Variants in BRINP1 observed in about 807,000 individuals in gnomAD.
BRINP1 encodes the protein BMP/retinoic acid inducible neural specific 1.
BRINP1 carries 17 observed loss-of-function variants against 72.9 expected under a neutral mutation model. The observed-to-expected ratio is 0.23, with a 90% CI of 0.16 to 0.35. BRINP1 has a LOEUF of 0.35. Among genes scored for constraint, BRINP1 ranks in the 10% least tolerant of loss-of-function variants. The probability of loss-of-function intolerance (pLI) is 1.00; values close to 1 mark genes in which losing one functional copy is unlikely to be tolerated. For missense variants in BRINP1, 850 were observed against 1,001.6 expected (o/e 0.85, Z 2.04); for synonymous variants, 418 against 378.5 (o/e 1.10, Z -1.21).
chr9:119,279,337 G>A (rs980337686), intron 2 of BRINP1, among the ~76,000 whole-genome samples: 2 of 152,086 alleles, frequency 1.3e-5, no homozygotes, highest in South Asian at 2.1e-4. Context: ...TATTAACCAT[G>A]GGGATTTCGC....
intron 2 of BRINP1, among the ~76,000 whole-genome samples, chr9:119,261,913 C>T (rs1006479659): frequency 2.6e-5 from 4 of 151,586 alleles, no homozygotes; most frequent in African/African-American, 9.7e-5. Context: ...TCTCTCCCTC[C>T]CTCCTGCATG....
At chr9:119,218,204 ATTTTTT>A (rs139945643) in intron 5 of BRINP1, among the ~76,000 whole-genome samples, 1 of 122,974 alleles carries the variant, frequency 8.1e-6, no homozygotes, top group Non-Finnish European at 1.7e-5. Context: ...TCAAATAAAT[ATTTTTT>A]TTTTTTTTTT....
chr9:119,169,482 C>T (rs918041568), intron 7 of BRINP1, among the ~76,000 whole-genome samples: 9 of 152,212 alleles, frequency 5.9e-5, no homozygotes, highest in African/African-American at 1.9e-4. Context: ...GAGGGTCCTA[C>T]GCCCACAGAG....
At chr9:119,216,558 AT>A (rs1829980060) in intron 5 of BRINP1, among the ~76,000 whole-genome samples, 2 of 152,146 alleles carry the variant, frequency 1.3e-5, no homozygotes, top group Non-Finnish European at 2.9e-5. Flanking sequence ...TCTTTTAGTC[AT>A]TTTATCTATA....
At chr9:119,310,025 C>A (rs1831044609) in intron 2 of BRINP1, among the ~76,000 whole-genome samples, 2 of 152,152 alleles carry the variant, frequency 1.3e-5, no homozygotes, top group African/African-American at 2.4e-5. Context: ...AATCTCTAGA[C>A]TCCAGACCCA....
chr9:119,228,483 TAA>T (rs200941861), intron 5 of BRINP1, among the ~76,000 whole-genome samples: 1,856 of 147,362 alleles, frequency 0.013, 28 homozygotes, highest in African/African-American at 0.036. Context: ...GTGAGTAAAA[TAA>T]AAAAAAAAAT....
intron 1 of BRINP1, among the ~76,000 whole-genome samples, chr9:119,362,624 G>T (rs7039234): frequency 0.015 from 2,342 of 152,156 alleles, 63 homozygotes; most frequent in African/African-American, 0.053. Flanking sequence ...AAAACTTCCA[G>T]CTTTCATTCT....
intron 1 of BRINP1, among the ~76,000 whole-genome samples, chr9:119,321,606 C>G (rs970174603): frequency 2.0e-5 from 3 of 152,200 alleles, no homozygotes; most frequent in Admixed American, 2.0e-4. Flanking sequence ...TCCCCACTAG[C>G]TGGGACTACA....
At position 119,166,715 on chromosome 9, in the gene BRINP1, T is replaced by TATC. The variant is rs1829316710; in HGVS notation, c.*366_*368dup. ...GGCAGTGTCAGTTGTACATTACATA[T>TATC]ATCTCTCTTTCTTTTTAGTGTTTAA... On this transcript the variant is annotated 3_prime_UTR_variant, in exon 8 of 8. Coordinates refer to ENST00000265922, the MANE Select transcript of BRINP1 (RefSeq NM_014618.3). 5.8e-6 allele frequency: 1 copy of TATC among 173,586 alleles called. No homozygotes were observed. Among genetic ancestry groups the TATC allele is most frequent in the Non-Finnish European group, 1.2e-5 (1 of 82,040 alleles). 10.8% of individuals were successfully genotyped at this position (173,586 alleles called of 1,614,324 possible).
At chr9:119,349,341 T>C (rs933299931) in intron 1 of BRINP1, among the ~76,000 whole-genome samples, 1 of 152,170 alleles carries the variant, frequency 6.6e-6, no homozygotes, top group African/African-American at 2.4e-5. Context: ...AAAAACATAC[T>C]GGAAACAGAT....
chr9:119,329,743 G>A (rs1369765396), intron 1 of BRINP1, among the ~76,000 whole-genome samples: 5 of 152,168 alleles, frequency 3.3e-5, no homozygotes, highest in Admixed American at 3.3e-4. Flanking sequence ...TAATAAAACA[G>A]GCATAATTCA....
At chr9:119,181,590 C>T (rs1185811238) in intron 7 of BRINP1, among the ~76,000 whole-genome samples, 2 of 152,146 alleles carry the variant, frequency 1.3e-5, no homozygotes, top group African/African-American at 4.8e-5. Flanking sequence ...CCATTACTAA[C>T]CATGATTGTT....
intron 2 of BRINP1, among the ~76,000 whole-genome samples, chr9:119,253,695 G>A (rs1178876912): frequency 6.6e-6 from 1 of 152,094 alleles, no homozygotes; most frequent in African/African-American, 2.4e-5. Flanking sequence ...AGAACAAAAA[G>A]AACAATGAGC....
intron 7 of BRINP1, among the ~76,000 whole-genome samples, chr9:119,206,498 A>G (rs1829857326): frequency 2.0e-5 from 3 of 152,018 alleles, no homozygotes; most frequent in Non-Finnish European, 4.4e-5. Context: ...CTACGTGGAA[A>G]CACAGGTAGA....
At chr9:119,324,925 C>A (rs1332941849) in intron 1 of BRINP1, among the ~76,000 whole-genome samples, 1 of 152,050 alleles carries the variant, frequency 6.6e-6, no homozygotes, top group Non-Finnish European at 1.5e-5. Context: ...CATGGAGAAA[C>A]CCCATCTCTA....
rs142969769 is a variant in BRINP1 at position 119,168,892 on chromosome 9, A to G, written c.1146-668T>C. 4.7e-3 allele frequency among the ~76,000 whole-genome samples: 719 copies of G among 151,794 alleles called. 9 individuals are homozygous for G. The highest frequency in any genetic ancestry group is 0.016 in the African/African-American group (666 of 41,080). On this transcript the variant is annotated intron_variant, in intron 7 of 7. Coordinates refer to ENST00000265922, the MANE Select transcript of BRINP1 (RefSeq NM_014618.3). The stretch of plus-strand genomic sequence containing the variant: ...CTTTTACACTGTTGATGTGAGTATA[A>G]GTCAGTTCAACCATTGTGGAAGACA...
chr9:119,365,859 A>G (rs1024077820), intron 1 of BRINP1, among the ~76,000 whole-genome samples: 1 of 152,076 alleles, frequency 6.6e-6, no homozygotes, highest in Non-Finnish European at 1.5e-5. Flanking sequence ...TCTGGGAGCT[A>G]AAGTGCCATC....
intron 2 of BRINP1, among the ~76,000 whole-genome samples, chr9:119,279,076 A>G (rs1272411082): frequency 6.6e-6 from 1 of 152,230 alleles, no homozygotes; most frequent in Non-Finnish European, 1.5e-5. Flanking sequence ...TCAAAGTAAA[A>G]CAAGTACAGA....
intron 4 of BRINP1, among the ~76,000 whole-genome samples, chr9:119,240,233 C>A (rs1309460247): frequency 2.6e-5 from 4 of 152,146 alleles, no homozygotes; most frequent in African/African-American, 4.8e-5. Flanking sequence ...CATGCCATTG[C>A]ACTCCAGCCT....
Sources: gnomAD v4.1 joint callset for allele counts (sites outside exome capture counted in the v4.1 genomes callset) on GRCh38, gnomAD v4.1.1 for gene constraint, MANE v1.5 for transcripts, NCBI Gene and HGNC (gene_info 2026-07-23, HGNC 2026-07-21) for gene names.